Variants in NDUFA7 observed in about 807,000 individuals in gnomAD.
The protein encoded by NDUFA7 is NADH dehydrogenase [ubiquinone] 1 alpha subcomplex subunit 7.
NDUFA7 carries 18 observed loss-of-function variants against 14.2 expected under a neutral mutation model. The observed-to-expected ratio is 1.27, with a 90% CI of 0.88 to 1.88. NDUFA7 has a LOEUF of 1.88. Among genes scored for constraint, NDUFA7 ranks in the 40% most tolerant of loss-of-function variants. The pLI is 0.00. For synonymous variants in NDUFA7, 75 were observed against 62.1 expected (o/e 1.21, Z -0.98); for missense variants, 172 against 147.3 (o/e 1.17, Z -0.87).
Position 8,314,609 on chromosome 19 carries a change from T to C in NDUFA7, c.251+1887A>G, listed in dbSNP as rs191366977. Among the ~76,000 whole-genome samples the C allele has an allele frequency of 4.0e-5, 6 of 151,754 alleles. No homozygotes were observed. In the East Asian group the frequency reaches 9.8e-4, roughly 25 times the overall value. Reference sequence around the variant, plus strand: ...AGCAAGACCCCATCTCTACGAAACATTTAAAAATTAACCCAGCATGGAGGC... The same window carrying C: ...AGCAAGACCCCATCTCTACGAAACACTTAAAAATTAACCCAGCATGGAGGC... On this transcript the variant is annotated intron_variant, in intron 3 of 3. Transcript: ENST00000301457.
chr19:8,316,733 G>A (rs759986417), intron 2 of NDUFA7, 88 bp from the exon 3 acceptor site: 8 of 1,507,824 alleles, frequency 5.3e-6, no homozygotes, highest in Non-Finnish European at 7.3e-6. Context: ...GTCACAAAAT[G>A]TGGGATCTAC....
chr19:8,316,213 G>A (rs976192874), intron 3 of NDUFA7, among the ~76,000 whole-genome samples: 1 of 151,738 alleles, frequency 6.6e-6, no homozygotes, highest in African/African-American at 2.4e-5. Context: ...CCAATTACTG[G>A]GGAGGCCAAG....
At chr19:8,309,483 A>C (rs1452006305), downstream of NDUFA7, among the ~76,000 whole-genome samples, 1 of 152,038 alleles carries the variant, frequency 6.6e-6, no homozygotes, top group East Asian at 1.9e-4. Flanking sequence ...CAAAAAAAAA[A>C]AAAAGTTGTG....
downstream of NDUFA7, among the ~76,000 whole-genome samples, chr19:8,310,152 A>G (rs1193511819): frequency 6.6e-6 from 1 of 152,154 alleles, no homozygotes; most frequent in African/African-American, 2.4e-5. Flanking sequence ...AAGTTAGGCC[A>G]GGCGCGGTGG....
At chr19:8,319,122 G>T (rs141547661) in intron 2 of NDUFA7, among the ~76,000 whole-genome samples, 11 of 151,704 alleles carry the variant, frequency 7.3e-5, no homozygotes, top group African/African-American at 2.4e-4. Flanking sequence ...CGGGGGTTGG[G>T]GGGGAGAGAG....
chr19:8,321,331 G>T lies in NDUFA7; in HGVS notation c.28C>A (p.Arg10=). 1 of 1,580,402 alleles carries T rather than the reference G, an allele frequency of 6.3e-7. No individual in the cohort carries two copies. Among genetic ancestry groups the T allele is most frequent in the Non-Finnish European group, 8.6e-7 (1 of 1,165,860 alleles). MASATRLIQ[R]LRNWASGHDL... is the part of the protein sequence containing the mutation. ...ACCCCGGACGCCCAGTTCCGCAGCC[G>T]CTGGATGAGACGGGTGGCGGACGCC... Residue 10 remains arginine, a synonymous_variant, in exon 1 of 4, where the codon CGG becomes AGG. Coordinates refer to ENST00000301457, the MANE Select transcript of NDUFA7 (RefSeq NM_005001.5).
intron 3 of NDUFA7, among the ~76,000 whole-genome samples, chr19:8,314,490 G>A (rs979717638): frequency 1.3e-5 from 2 of 151,606 alleles, no homozygotes; most frequent in African/African-American, 4.9e-5. Flanking sequence ...CTCTTGCTGA[G>A]CATGGTGACT....
chr19:8,318,633 T>G (rs1970262786), intron 2 of NDUFA7, among the ~76,000 whole-genome samples: 1 of 120,530 alleles, frequency 8.3e-6, no homozygotes, highest in South Asian at 2.7e-4. Context: ...GCCACTGCAC[T>G]CCAGCCTGGG....
At chr19:8,312,108 C>A (rs112715035) in intron 3 of NDUFA7, among the ~76,000 whole-genome samples, 1 of 152,174 alleles carries the variant, frequency 6.6e-6, no homozygotes, top group Non-Finnish European at 1.5e-5. Flanking sequence ...AGAATCCATG[C>A]GCAAATGGCA....
chr19:8,316,542 TGATG>T lies in NDUFA7; in HGVS notation c.201_204del (p.Ile68SerfsTer19). ...ACCAGCGCCTTCTGCGACGACATGA[TGATG>T]GAAGGGGGCACAGATTCCCGGCGGC... On this transcript the variant is annotated frameshift_variant, in exon 3 of 4. Transcript: ENST00000301457. LOFTEE classifies it high-confidence loss of function. The T allele has an allele frequency of 6.2e-7, 1 of 1,614,022 alleles. No individual in the cohort carries two copies. Among genetic ancestry groups the T allele is most frequent in the South Asian group, 1.1e-5 (1 of 91,074 alleles).
intron 3 of NDUFA7, among the ~76,000 whole-genome samples, chr19:8,312,840 T>A (rs1191958971): frequency 6.6e-6 from 1 of 152,112 alleles, no homozygotes; most frequent in East Asian, 1.9e-4. Context: ...AATTTTTGTA[T>A]TTTTTGTAGA....
chr19:8,310,908 T>G (rs1053932643), downstream of NDUFA7: 1 of 151,480 alleles, frequency 6.6e-6, no homozygotes, highest in African/African-American at 2.4e-5. Context: ...TCCCAGCTAC[T>G]CGGGAGGCTG....
chr19:8,321,333 T>A lies in NDUFA7; in HGVS notation c.26A>T (p.Gln9Leu), dbSNP rs374368898. 1.3e-6 allele frequency: 2 copies of A among 1,580,846 alleles called. No individual in the cohort carries two copies. Among genetic ancestry groups the A allele is most frequent in the African/African-American group, 2.7e-5 (2 of 74,478 alleles). The change falls in exon 1 of 4, where the codon CAG becomes CTG. Residue 9 changes from glutamine (Q) to leucine (L), a missense_variant. Gln to Leu is a moderately radical substitution (Grantham distance 113). Transcript: ENST00000301457. Reference sequence around the variant, plus strand: ...CCCGGACGCCCAGTTCCGCAGCCGCTGGATGAGACGGGTGGCGGACGCCAT... The same window carrying A: ...CCCGGACGCCCAGTTCCGCAGCCGCAGGATGAGACGGGTGGCGGACGCCAT... MASATRLI[Q>L]RLRNWASGHD...
chr19:8,312,939 A>G (rs1332701059), intron 3 of NDUFA7, among the ~76,000 whole-genome samples: 4 of 152,166 alleles, frequency 2.6e-5, no homozygotes, highest in Admixed American at 1.3e-4. Flanking sequence ...TGCTGAGATT[A>G]CAGGCGAGAG....
chr19:8,314,282 C>T (rs1338104279), intron 3 of NDUFA7, among the ~76,000 whole-genome samples: 1 of 152,154 alleles, frequency 6.6e-6, no homozygotes, highest in East Asian at 1.9e-4. Flanking sequence ...AATCGCGCCA[C>T]TGCACTCCAG....
chr19:8,314,458 C>T (rs1317406001), intron 3 of NDUFA7, among the ~76,000 whole-genome samples: 1 of 152,158 alleles, frequency 6.6e-6, no homozygotes, highest in Non-Finnish European at 1.5e-5. Flanking sequence ...CTTCTACCCT[C>T]CCCTGGGTTG....
intron 1 of NDUFA7, 41 bp from the exon 2 acceptor site, chr19:8,320,947 C>G: frequency 1.9e-6 from 3 of 1,611,242 alleles, no homozygotes; most frequent in Non-Finnish European, 2.5e-6. Context: ...GCAAGGCACC[C>G]CAGGAGAGAG....
intron 2 of NDUFA7, among the ~76,000 whole-genome samples, chr19:8,319,728 T>C (rs935681230): frequency 6.6e-5 from 10 of 152,190 alleles, no homozygotes; most frequent in Non-Finnish European, 1.2e-4. Context: ...TTTGACTTCA[T>C]AGATTATACC....
In NDUFA7 at chr19:8,311,455, G is replaced by A; in HGVS notation, c.*50C>T. On this transcript the variant is annotated 3_prime_UTR_variant, in exon 4 of 4. Coordinates refer to ENST00000301457, the MANE Select transcript of NDUFA7 (RefSeq NM_005001.5). ...TCATAAATTAGGTCACATTCTCCCT[G>A]GAGGAAATCCAAGGAGGCAAAGTAG... 1.4e-6 allele frequency: 2 copies of A among 1,436,166 alleles called. No individual in the cohort carries two copies. Among genetic ancestry groups the A allele is most frequent in the Non-Finnish European group, 9.6e-7 (1 of 1,039,224 alleles). 89.0% of individuals were successfully genotyped at this position (1,436,166 alleles called of 1,614,324 possible). A position where few individuals can be genotyped will look rare whatever the true frequency, so the allele number is the denominator to read the frequency against.
Sources: gnomAD v4.1 joint callset for allele counts (sites outside exome capture counted in the v4.1 genomes callset) on GRCh38, gnomAD v4.1.1 for gene constraint, MANE v1.5 for transcripts, NCBI Gene and HGNC (gene_info 2026-07-23, HGNC 2026-07-21) for gene names.